The following ZNF804B variants were observed in gnomAD, a reference collection of about 807,000 sequenced individuals.
The protein encoded by ZNF804B is zinc finger protein 804B, also known as zinc finger 804B.
ZNF804B carries 80 observed loss-of-function variants against 101.4 expected under a neutral mutation model. The observed-to-expected ratio is 0.79, with a 90% CI of 0.66 to 0.95. The LOEUF (loss-of-function observed/expected upper bound fraction) is 0.95. Ranked by LOEUF, ZNF804B falls within the 40% of genes least tolerant of loss-of-function variation. The pLI is 0.00. For missense variants in ZNF804B, 1,673 were observed against 1,561.9 expected (o/e 1.07, Z -1.20); for synonymous variants, 622 against 558.8 (o/e 1.11, Z -1.59).
intron 2 of ZNF804B, among the ~76,000 whole-genome samples, chr7:89,309,206 G>A (rs915105417): frequency 6.6e-6 from 1 of 151,926 alleles, no homozygotes; most frequent in South Asian, 2.1e-4. Context: ...TGTACCCAAT[G>A]TTTAGCTCCT....
intron 1 of ZNF804B, among the ~76,000 whole-genome samples, chr7:88,776,555 G>GTTT (rs10630362): frequency 0.3 from 32,000 of 106,188 alleles, 6,842 homozygotes; most frequent in East Asian, 0.64. Context: ...TTCTCGTGGT[G>GTTT]TTTTGTTTTT....
intron 1 of ZNF804B, among the ~76,000 whole-genome samples, chr7:89,035,130 A>C (rs1300085281): frequency 6.6e-6 from 1 of 152,118 alleles, no homozygotes; most frequent in Non-Finnish European, 1.5e-5. Flanking sequence ...ATTTTACCTA[A>C]ATTTTCAATA....
intron 1 of ZNF804B, among the ~76,000 whole-genome samples, chr7:88,834,989 C>A (rs923681465): frequency 1.6e-4 from 25 of 151,756 alleles, no homozygotes; most frequent in Non-Finnish European, 2.9e-4. Context: ...AAATAATGCT[C>A]ATATAGAAAA....
intron 2 of ZNF804B, among the ~76,000 whole-genome samples, chr7:89,226,545 T>A (rs1347690555): frequency 2.0e-5 from 3 of 148,168 alleles, no homozygotes; most frequent in Non-Finnish European, 3.0e-5. Context: ...TAATAATAAT[T>A]TGGTTCACAT....
intron 1 of ZNF804B, among the ~76,000 whole-genome samples, chr7:89,072,643 G>T (rs963605489): frequency 7.2e-5 from 11 of 151,992 alleles, no homozygotes; most frequent in African/African-American, 2.7e-4. Flanking sequence ...AATGAATAAA[G>T]GGCCTCCAAA....
At chr7:89,226,877 T>A (rs1294528839) in intron 2 of ZNF804B, among the ~76,000 whole-genome samples, 1 of 152,160 alleles carries the variant, frequency 6.6e-6, no homozygotes, top group African/African-American at 2.4e-5. Flanking sequence ...CATTCTTTCC[T>A]GAATTATATA....
chr7:89,018,840 T>G (rs1476866119), intron 1 of ZNF804B, among the ~76,000 whole-genome samples: 3 of 152,088 alleles, frequency 2.0e-5, no homozygotes, highest in Non-Finnish European at 4.4e-5. Flanking sequence ...TCAGTTGTAA[T>G]GTCTCCTGTT....
chr7:89,309,021 T>C (rs1249842447), intron 2 of ZNF804B, among the ~76,000 whole-genome samples: 1 of 152,144 alleles, frequency 6.6e-6, no homozygotes, highest in Non-Finnish European at 1.5e-5. Context: ...AGGGGGTACA[T>C]GTGCAGGTTT....
chr7:89,062,059 G>A (rs374088374), intron 1 of ZNF804B, among the ~76,000 whole-genome samples: 7 of 151,986 alleles, frequency 4.6e-5, no homozygotes, highest in South Asian at 2.1e-4. Context: ...ACTGGATACC[G>A]TATCCAGGAG....
intron 1 of ZNF804B, among the ~76,000 whole-genome samples, chr7:89,204,528 A>G (rs1265758113): frequency 2.0e-5 from 3 of 152,172 alleles, no homozygotes; most frequent in Non-Finnish European, 4.4e-5. Context: ...TAATGATTGT[A>G]AACATGATCA....
intron 2 of ZNF804B, among the ~76,000 whole-genome samples, chr7:89,274,933 C>T (rs1010696123): frequency 2.6e-5 from 4 of 151,812 alleles, no homozygotes; most frequent in East Asian, 1.9e-4. Context: ...CACTTCTATC[C>T]TTATTTATCC....
At chr7:88,930,209 G>A (rs1160334986) in intron 1 of ZNF804B, among the ~76,000 whole-genome samples, 1 of 151,846 alleles carries the variant, frequency 6.6e-6, no homozygotes, top group Admixed American at 6.6e-5. Flanking sequence ...AATGTCTCAG[G>A]TTTTAAATCT....
intron 1 of ZNF804B, among the ~76,000 whole-genome samples, chr7:89,210,280 A>G (rs1271146366): frequency 2.0e-5 from 3 of 152,168 alleles, no homozygotes; most frequent in African/African-American, 4.8e-5. Context: ...AAAAAAACAG[A>G]GATTAAAAAC....
intron 1 of ZNF804B, among the ~76,000 whole-genome samples, chr7:89,070,026 A>G (rs2116295537): frequency 6.6e-6 from 1 of 152,252 alleles, no homozygotes; most frequent in Non-Finnish European, 1.5e-5. Context: ...TAAAGGGTGT[A>G]AAGGTTTTAT....
chr7:89,049,850 A>AGAGATG (rs1177979805), intron 1 of ZNF804B, among the ~76,000 whole-genome samples: 1 of 152,028 alleles, frequency 6.6e-6, no homozygotes, highest in Non-Finnish European at 1.5e-5. Context: ...CATCTCTACT[A>AGAGATG]AAAATACAAA....
At chr7:89,089,870 G>A (rs1035189627) in intron 1 of ZNF804B, among the ~76,000 whole-genome samples, 3 of 151,976 alleles carry the variant, frequency 2.0e-5, no homozygotes, top group Admixed American at 6.6e-5. Context: ...ACACAGCATT[G>A]ACTTAGAATG....
chr7:89,260,011 A>G (rs1399873666), intron 2 of ZNF804B, among the ~76,000 whole-genome samples: 1 of 152,060 alleles, frequency 6.6e-6, no homozygotes, highest in Non-Finnish European at 1.5e-5. Context: ...AGAGAGAGGG[A>G]GAGAGGGAGA....
intron 1 of ZNF804B, among the ~76,000 whole-genome samples, chr7:89,203,513 C>T (rs2115656766): frequency 6.6e-6 from 1 of 152,106 alleles, no homozygotes; most frequent in East Asian, 1.9e-4. Context: ...ATTTTCTCAG[C>T]TTAAAGTTAG....
At chr7:89,040,805 G>T (rs1445002617) in intron 1 of ZNF804B, among the ~76,000 whole-genome samples, 1 of 152,150 alleles carries the variant, frequency 6.6e-6, no homozygotes, top group Admixed American at 6.5e-5. Flanking sequence ...GTTATTACGT[G>T]CAGTTTATCT....
Sources: gnomAD v4.1 joint callset for allele counts (sites outside exome capture counted in the v4.1 genomes callset) on GRCh38, gnomAD v4.1.1 for gene constraint, MANE v1.5 for transcripts, NCBI Gene and HGNC (gene_info 2026-07-23, HGNC 2026-07-21) for gene names.